Variants in SCARA5 observed in about 807,000 individuals in gnomAD.
SCARA5 encodes scavenger receptor class A member 5, also known as scavenger receptor class A, member 5 (putative).
A neutral mutation model predicts 46.3 loss-of-function variants in SCARA5; 45 were observed. That is an observed-to-expected ratio of 0.97 (90% confidence interval 0.76 to 1.24). SCARA5 has a LOEUF of 1.24. Among genes scored for constraint, SCARA5 ranks in the 50% most tolerant of loss-of-function variants. The pLI is 0.00. For missense variants in SCARA5, 680 were observed against 689.0 expected, an observed-to-expected ratio of 0.99 and a Z score of 0.15; for synonymous variants, 333 against 306.5, an observed-to-expected ratio of 1.09 and a Z score of -0.90.
intron 4 of SCARA5, among the ~76,000 whole-genome samples, chr8:27,918,718 T>G (rs1312555315): frequency 9.5e-3 from 126 of 13,246 alleles, no homozygotes; most frequent in Middle Eastern, 0.045. Flanking sequence ...AGGAGGAAGA[T>G]GAGGAGGATA....
At chr8:27,926,125 G>A (rs1807675981) in intron 3 of SCARA5, among the ~76,000 whole-genome samples, 2 of 152,168 alleles carry the variant, frequency 1.3e-5, no homozygotes, top group South Asian at 2.1e-4. Context: ...TATAAATCAT[G>A]CTACTATAAA....
At chr8:27,895,587 C>T (rs1222464576) in intron 7 of SCARA5, among the ~76,000 whole-genome samples, 2 of 152,134 alleles carry the variant, frequency 1.3e-5, no homozygotes, top group Non-Finnish European at 2.9e-5. Flanking sequence ...GGTGTTAGCC[C>T]CATTTTACAG....
chr8:27,916,428 G>A (rs1807462165), intron 4 of SCARA5, among the ~76,000 whole-genome samples: 1 of 152,018 alleles, frequency 6.6e-6, no homozygotes, highest in South Asian at 2.1e-4. Context: ...TGTACACATG[G>A]GTATGTGTGT....
chr8:27,875,750 T>A (rs1447593516), intron 8 of SCARA5, among the ~76,000 whole-genome samples: 1 of 152,066 alleles, frequency 6.6e-6, no homozygotes. Context: ...AGGCAGGGAG[T>A]GAGGTGACCA....
chr8:27,963,468 G>A (rs1320702725), intron 3 of SCARA5, among the ~76,000 whole-genome samples: 1 of 152,218 alleles, frequency 6.6e-6, no homozygotes, highest in Non-Finnish European at 1.5e-5. Flanking sequence ...GGAGGCTCTT[G>A]CCGTCTCCTT....
At chr8:27,932,989 C>T (rs1218058311) in intron 3 of SCARA5, among the ~76,000 whole-genome samples, 4 of 152,202 alleles carry the variant, frequency 2.6e-5, no homozygotes, top group Non-Finnish European at 4.4e-5. Flanking sequence ...TCCCTTATGA[C>T]CTACTTTAAC....
chr8:27,967,581 G>C (rs1433606669), intron 2 of SCARA5, among the ~76,000 whole-genome samples: 1 of 152,066 alleles, frequency 6.6e-6, no homozygotes, highest in Non-Finnish European at 1.5e-5. Flanking sequence ...ACCCCCTGTG[G>C]GTAAGACCCC....
chr8:27,941,997 T>G (rs1004650392), intron 3 of SCARA5, among the ~76,000 whole-genome samples: 31 of 151,786 alleles, frequency 2.0e-4, no homozygotes, highest in African/African-American at 7.3e-4. Context: ...CTGCTAATTT[T>G]TTTGTATTTT....
chr8:27,899,068 G>C lies in SCARA5; in HGVS notation c.1153+5710C>G, dbSNP rs563210972. Among the ~76,000 whole-genome samples, 6 of 152,298 alleles carry C rather than the reference G, an allele frequency of 3.9e-5. No homozygotes were observed. In the East Asian group the frequency reaches 1.2e-3, roughly 29 times the overall value. On this transcript the variant is annotated intron_variant, in intron 7 of 8. Coordinates refer to ENST00000354914, the MANE Select transcript of SCARA5 (RefSeq NM_173833.6). Reference sequence around the variant, plus strand: ...ACTTTTCCTGAGTTCTGTGAGTTGGGTTCTAGCAAATAATCAAACCCACGG... The same window carrying C: ...ACTTTTCCTGAGTTCTGTGAGTTGGCTTCTAGCAAATAATCAAACCCACGG...
In SCARA5 at chr8:27,921,612, C is replaced by T. The variant is rs200849668; in HGVS notation, c.875G>A (p.Trp292Ter). 4 of 1,592,438 alleles carry T rather than the reference C, an allele frequency of 2.5e-6. No individual in the cohort carries two copies. Among genetic ancestry groups the T allele is most frequent in the East Asian group, 2.3e-5 (1 of 43,808 alleles). Residue 292 changes from tryptophan (W) to a stop codon, truncating the protein, a stop_gained, in exon 4 of 9, where the codon TGG becomes TAG. Transcript: ENST00000354914. LOFTEE classifies it high-confidence loss of function. ...GTTCCGCAGTGCGATGGAGTGCTCC[C>T]AGTCCTTGAGGCGCAGGTCCTCGGT... ...AVTEDLRLKDWEHSIALRNIS... is the reference protein window; with the variant it reads ...AVTEDLRLKD
At chr8:27,935,110 C>T (rs545939384) in intron 3 of SCARA5, among the ~76,000 whole-genome samples, 2 of 152,322 alleles carry the variant, frequency 1.3e-5, no homozygotes, top group South Asian at 2.1e-4. Flanking sequence ...TCTCCCTGAA[C>T]CTCCAGAAGC....
At chr8:27,920,099 G>C (rs1297999593) in intron 4 of SCARA5, among the ~76,000 whole-genome samples, 1 of 151,880 alleles carries the variant, frequency 6.6e-6, no homozygotes, top group Non-Finnish European at 1.5e-5. Flanking sequence ...TGAAGAAAGG[G>C]AGTTGGGTCT....
intron 7 of SCARA5, among the ~76,000 whole-genome samples, chr8:27,890,337 A>T (rs898669365): frequency 6.6e-6 from 1 of 152,266 alleles, no homozygotes; most frequent in Non-Finnish European, 1.5e-5. Flanking sequence ...AGGTTAAACC[A>T]GCAGGGCCCA....
At chr8:27,977,566 A>T (rs1048920929) in intron 2 of SCARA5, among the ~76,000 whole-genome samples, 3 of 152,172 alleles carry the variant, frequency 2.0e-5, no homozygotes, top group African/African-American at 7.2e-5. Flanking sequence ...TTCTCCTCAT[A>T]CACCAGTCAT....
At chr8:27,981,911 C>T (rs1808621815) in intron 2 of SCARA5, among the ~76,000 whole-genome samples, 1 of 152,264 alleles carries the variant, frequency 6.6e-6, no homozygotes, top group East Asian at 1.9e-4. Flanking sequence ...AGGCCCCAGC[C>T]AGCCCCTCCC....
chr8:27,907,107 G>T, intron 6 of SCARA5, 41 bp downstream of exon 6: 3 of 1,459,578 alleles, frequency 2.1e-6, no homozygotes, highest in Admixed American at 1.7e-5. Context: ...TGCTGCCTGG[G>T]ACTGGTGGTG....
chr8:27,910,473 C>G (rs1019553971), intron 4 of SCARA5, among the ~76,000 whole-genome samples: 1 of 152,172 alleles, frequency 6.6e-6, no homozygotes, highest in South Asian at 2.1e-4. Flanking sequence ...AAGTGGGGCT[C>G]TTAGAGACCC....
At chr8:27,932,911 G>A (rs1344047407) in intron 3 of SCARA5, among the ~76,000 whole-genome samples, 3 of 152,234 alleles carry the variant, frequency 2.0e-5, no homozygotes, top group Non-Finnish European at 1.5e-5. Context: ...GATTACAGGC[G>A]TCAGCCACGG....
intron 4 of SCARA5, 152 bp downstream of exon 4, chr8:27,921,419 G>T: frequency 1.5e-6 from 1 of 646,590 alleles, no homozygotes; most frequent in Non-Finnish European, 2.5e-6. Context: ...AGTCCTGTAG[G>T]GCAAGACTTA....
Sources: gnomAD v4.1 joint callset for allele counts (sites outside exome capture counted in the v4.1 genomes callset) on GRCh38, gnomAD v4.1.1 for gene constraint, MANE v1.5 for transcripts, NCBI Gene and HGNC (gene_info 2026-07-23, HGNC 2026-07-21) for gene names.